SLC25A21: variants seen among roughly 807,000 people sequenced by gnomAD.
SLC25A21 encodes mitochondrial 2-oxodicarboxylate carrier.
Under a neutral mutation model 43.8 loss-of-function variants are expected in SLC25A21, and 47 were observed. The ratio of observed to expected loss-of-function variants is 1.07; its 90% confidence interval spans 0.85 to 1.37. The LOEUF (loss-of-function observed/expected upper bound fraction) is 1.37. Ranked by LOEUF, SLC25A21 falls within the 40% of genes most tolerant of loss-of-function variation. The probability of loss-of-function intolerance (pLI) is 0.00; values close to 1 mark genes in which losing one functional copy is unlikely to be tolerated. For missense variants in SLC25A21, 352 were observed against 350.2 expected (o/e 1.00, Z -0.04); for synonymous variants, 131 against 121.3 (o/e 1.08, Z -0.52).
intron 3 of SLC25A21, among the ~76,000 whole-genome samples, chr14:36,744,069 C>T (rs1202143458): frequency 6.6e-6 from 1 of 152,092 alleles, no homozygotes; most frequent in East Asian, 1.9e-4. Flanking sequence ...AAATCCTATA[C>T]TCATCTACTG....
At chr14:37,075,315 A>G (rs1427843925) in intron 1 of SLC25A21, among the ~76,000 whole-genome samples, 9 of 152,168 alleles carry the variant, frequency 5.9e-5, no homozygotes, top group Non-Finnish European at 1.2e-4. Context: ...GCTTCTTGAA[A>G]GAAGCTGAAG....
intron 3 of SLC25A21, among the ~76,000 whole-genome samples, chr14:36,813,080 T>G (rs928179855): frequency 6.6e-6 from 1 of 152,030 alleles, no homozygotes; most frequent in Admixed American, 6.6e-5. Flanking sequence ...GTTAAAAAAA[T>G]TTTTTTTATT....
intron 1 of SLC25A21, among the ~76,000 whole-genome samples, chr14:37,037,533 C>T (rs1306557612): frequency 1.3e-5 from 2 of 151,618 alleles, no homozygotes; most frequent in African/African-American, 4.8e-5. Flanking sequence ...CTCCTGTTTT[C>T]TCTCTCTCTT....
At chr14:36,760,891 A>G (rs1006626686) in intron 3 of SLC25A21, among the ~76,000 whole-genome samples, 3 of 152,146 alleles carry the variant, frequency 2.0e-5, no homozygotes, top group Non-Finnish European at 2.9e-5. Flanking sequence ...GAAAGGGGAA[A>G]AAAAGGAGAG....
chr14:36,814,965 T>C (rs1456309201), intron 2 of SLC25A21, among the ~76,000 whole-genome samples: 1 of 152,148 alleles, frequency 6.6e-6, no homozygotes, highest in Admixed American at 6.5e-5. Context: ...GTGGCACATA[T>C]ACACCATGGA....
chr14:36,691,914 T>C (rs899282284), intron 7 of SLC25A21, among the ~76,000 whole-genome samples: 1 of 152,204 alleles, frequency 6.6e-6, no homozygotes. Context: ...TTGCATGCAT[T>C]GACTTTATTC....
intron 1 of SLC25A21, among the ~76,000 whole-genome samples, chr14:37,171,112 G>C (rs1240750032): frequency 2.1e-5 from 2 of 93,474 alleles, no homozygotes; most frequent in Non-Finnish European, 4.5e-5. Flanking sequence ...AAAGAAAAAG[G>C]GGGGAGGGGA....
In SLC25A21 at chr14:36,680,547, A is replaced by G; in HGVS notation, c.*111T>C. The G allele has an allele frequency of 7.1e-7, 1 of 1,402,100 alleles. No homozygotes were observed. The allele number at this position is 1,402,100 out of a possible 1,614,324, so 86.9% of individuals were successfully genotyped here. A position where few individuals can be genotyped will look rare whatever the true frequency, so the allele number is the denominator to read the frequency against. On this transcript the variant is annotated 3_prime_UTR_variant, in exon 10 of 10. Transcript: ENST00000331299. ...GTATTAAAATAGATTTTGTTCTTGA[A>G]CAGTTTTCTCCTTCATAATTATACA...
At chr14:36,745,515 A>C (rs1307919252) in intron 3 of SLC25A21, among the ~76,000 whole-genome samples, 2 of 152,054 alleles carry the variant, frequency 1.3e-5, no homozygotes, top group Non-Finnish European at 2.9e-5. Flanking sequence ...GTTGTTTCTT[A>C]ACTTTTTAAT....
intron 1 of SLC25A21, among the ~76,000 whole-genome samples, chr14:37,071,332 G>A (rs1962165844): frequency 6.6e-6 from 1 of 152,218 alleles, no homozygotes; most frequent in East Asian, 1.9e-4. Context: ...AGAGACTGGA[G>A]CAATACTGGA....
chr14:36,744,449 A>G (rs1388185571), intron 3 of SLC25A21, among the ~76,000 whole-genome samples: 1 of 152,134 alleles, frequency 6.6e-6, no homozygotes, highest in Non-Finnish European at 1.5e-5. Context: ...AGGATACTCT[A>G]TTCAATAAAT....
intron 1 of SLC25A21, among the ~76,000 whole-genome samples, chr14:36,940,468 G>T (rs956339498): frequency 1.3e-5 from 2 of 151,952 alleles, no homozygotes; most frequent in Non-Finnish European, 2.9e-5. Context: ...AGGCATGAGG[G>T]TGTCCTTTTA....
At chr14:36,987,070 C>T (rs913086305) in intron 1 of SLC25A21, among the ~76,000 whole-genome samples, 1 of 152,118 alleles carries the variant, frequency 6.6e-6, no homozygotes, top group Non-Finnish European at 1.5e-5. Context: ...TTGGCCAGCA[C>T]TCTGACTTTG....
intron 1 of SLC25A21, among the ~76,000 whole-genome samples, chr14:36,998,372 AT>A (rs1960416849): frequency 6.6e-6 from 1 of 152,188 alleles, no homozygotes; most frequent in Non-Finnish European, 1.5e-5. Context: ...AGTTTGACAG[AT>A]TTGGAATACG....
intron 1 of SLC25A21, among the ~76,000 whole-genome samples, chr14:36,896,663 C>G (rs182392754): frequency 3.3e-5 from 5 of 152,134 alleles, no homozygotes; most frequent in Non-Finnish European, 5.9e-5. Flanking sequence ...GCATGTTTTT[C>G]CAGTGGCTGG....
chr14:36,697,099 G>A (rs1883061386), intron 7 of SLC25A21, among the ~76,000 whole-genome samples: 1 of 152,070 alleles, frequency 6.6e-6, no homozygotes, highest in Admixed American at 6.5e-5. Flanking sequence ...CAGAGATTCT[G>A]GTATGTTGTG....
chr14:37,026,759 T>C (rs1370945235), intron 1 of SLC25A21, among the ~76,000 whole-genome samples: 1 of 152,148 alleles, frequency 6.6e-6, no homozygotes, highest in Non-Finnish European at 1.5e-5. Flanking sequence ...CAAGGGCCTC[T>C]AAAAACCTGG....
At chr14:36,988,626 C>A (rs142341349) in intron 1 of SLC25A21, among the ~76,000 whole-genome samples, 1 of 152,278 alleles carries the variant, frequency 6.6e-6, no homozygotes, top group African/African-American at 2.4e-5. Context: ...GATCTCACCC[C>A]CTATTGTATA....
intron 1 of SLC25A21, among the ~76,000 whole-genome samples, chr14:36,970,854 A>G (rs1959733981): frequency 1.3e-5 from 2 of 152,210 alleles, no homozygotes; most frequent in Admixed American, 1.3e-4. Flanking sequence ...ACTATAGGTT[A>G]GGAATATTAC....
Sources: allele counts gnomAD v4.1 joint callset (sites outside exome capture counted in the v4.1 genomes callset), GRCh38; gene constraint gnomAD v4.1.1; transcripts MANE v1.5; gene names NCBI Gene and HGNC (gene_info 2026-07-23, HGNC 2026-07-21).